Variants in DERA observed in about 807,000 individuals in gnomAD.
DERA encodes 2-deoxy-D-ribose 5-phosphate aldolase.
A neutral mutation model predicts 41.1 loss-of-function variants in DERA; 15 were observed. The observed-to-expected ratio is 0.37, with a 90% CI of 0.24 to 0.56. DERA has a LOEUF of 0.56. Ranked by LOEUF, DERA falls within the 20% of genes least tolerant of loss-of-function variation. The pLI is 0.81. For missense variants in DERA, 396 were observed against 403.4 expected (o/e 0.98, Z 0.16); for synonymous variants, 139 against 137.4 (o/e 1.01, Z -0.08).
In DERA at chr12:15,941,867, C is replaced by G. The variant is rs114931258; in HGVS notation, c.32-15069C>G. Reference sequence around the variant, plus strand: ...TGTTGTCTTTTTCATATAATGACTTCTTTTCCTTTGGGAAGATACCTAATA... The same window carrying G: ...TGTTGTCTTTTTCATATAATGACTTGTTTTCCTTTGGGAAGATACCTAATA... On this transcript the variant is annotated intron_variant, in intron 1 of 8. Coordinates refer to ENST00000428559, the MANE Select transcript of DERA (RefSeq NM_015954.4). This position sits in a 1 kb window ranked among gnomAD's most constrained non-coding sequence, Gnocchi z 4.5. Among the ~76,000 whole-genome samples, 1 of 152,272 alleles carries G rather than the reference C, an allele frequency of 6.6e-6. No individual in the cohort carries two copies. Among genetic ancestry groups the G allele is most frequent in the African/African-American group, 2.4e-5 (1 of 41,562 alleles).
chr12:15,924,208 G>A lies in DERA; in HGVS notation c.31+12794G>A, dbSNP rs566545773. 2.0e-5 allele frequency among the ~76,000 whole-genome samples: 3 copies of A among 152,226 alleles called. No individual in the cohort carries two copies. The highest frequency in any genetic ancestry group is 4.1e-4 in the South Asian group (2 of 4,828). ...TTTGGGATGCTGCAGTGGGAGGATC[G>A]CTTGAGCCCAGGAGTTTGAGATTAG... is the stretch of plus-strand genomic sequence containing the variant. On this transcript the variant is annotated intron_variant, in intron 1 of 8. Coordinates refer to ENST00000428559, the MANE Select transcript of DERA (RefSeq NM_015954.4). This position sits in a 1 kb window ranked among gnomAD's most constrained non-coding sequence, Gnocchi z 5.0.
At chr12:15,973,094 G>T (rs772194273) in intron 5 of DERA, among the ~76,000 whole-genome samples, 1 of 152,088 alleles carries the variant, frequency 6.6e-6, no homozygotes, top group Non-Finnish European at 1.5e-5. Flanking sequence ...AGCTGGGAAC[G>T]ACAGGCAGAG....
chr12:16,004,948 T>C lies in DERA; in HGVS notation c.637+22512T>C, dbSNP rs140042662. On this transcript the variant is annotated intron_variant, in intron 6 of 8. Transcript: ENST00000428559. The surrounding 1 kb of genome is among the most constrained non-coding windows in gnomAD (Gnocchi z 4.2). ...TTAAGAGTTAGAGTCTGTGAATAAC[T>C]AGATAAAGAAGAAACAGAGCAACTG... is the stretch of plus-strand genomic sequence containing the variant. Among the ~76,000 whole-genome samples, 29 of 152,296 alleles carry C rather than the reference T, an allele frequency of 1.9e-4. No homozygotes were observed. In the South Asian group the frequency reaches 2.7e-3, roughly 14 times the overall value.
rs1190960139 is a variant in DERA, at chr12:16,026,755, G to T, written c.638-5787G>T. 6.6e-6 allele frequency among the ~76,000 whole-genome samples: 1 copy of T among 151,922 alleles called. No individual in the cohort carries two copies. The highest frequency in any genetic ancestry group is 1.5e-5 in the Non-Finnish European group (1 of 67,980). On this transcript the variant is annotated intron_variant, in intron 6 of 8. Coordinates refer to ENST00000428559, the MANE Select transcript of DERA (RefSeq NM_015954.4). The surrounding 1 kb of genome is among the most constrained non-coding windows in gnomAD (Gnocchi z 4.4). Reference sequence around the variant, plus strand: ...AACATTTAAGGAAGATATAATACCAGTCTTCTACAATCTCTTCCGGAAAAT... The same window carrying T: ...AACATTTAAGGAAGATATAATACCATTCTTCTACAATCTCTTCCGGAAAAT...
Position 15,982,927 on chromosome 12 carries a change from A to T in DERA, c.637+491A>T, listed in dbSNP as rs1201893916. Among the ~76,000 whole-genome samples the T allele has an allele frequency of 6.6e-6, 1 of 152,212 alleles. No individual in the cohort carries two copies. The highest frequency in any genetic ancestry group is 1.5e-5 in the Non-Finnish European group (1 of 68,034). The stretch of plus-strand genomic sequence containing the variant: ...AGTTGACTTATTCTTTATCTCTGTG[A>T]ACAGCAGGTCTATCCATTTAGACAT... On this transcript the variant is annotated intron_variant, in intron 6 of 8. Coordinates refer to ENST00000428559, the MANE Select transcript of DERA (RefSeq NM_015954.4). The surrounding 1 kb of genome is among the most constrained non-coding windows in gnomAD (Gnocchi z 4.0).
chr12:15,978,837 GAAA>G (rs1948715455), intron 5 of DERA, among the ~76,000 whole-genome samples: 1 of 152,142 alleles, frequency 6.6e-6, no homozygotes, highest in African/African-American at 2.4e-5. Context: ...CAACAACTTT[GAAA>G]ACAGGAACTG....
At chr12:16,029,247 C>T (rs1448175431) in intron 6 of DERA, among the ~76,000 whole-genome samples, 1 of 152,052 alleles carries the variant, frequency 6.6e-6, no homozygotes, top group Non-Finnish European at 1.5e-5. Context: ...ACGGTGAAAC[C>T]CGGTCTCTAC....
Position 15,994,098 on chromosome 12 carries a change from G to A in DERA, c.637+11662G>A, listed in dbSNP as rs1328830730. On this transcript the variant is annotated intron_variant, in intron 6 of 8. Coordinates refer to ENST00000428559, the MANE Select transcript of DERA (RefSeq NM_015954.4). This position sits in a 1 kb window ranked among gnomAD's most constrained non-coding sequence, Gnocchi z 4.8. ...TAGCCCAACATATTCCAAAATCACAGAACTGCTTCTTGCAGACCTAACTTG... is the reference window on the plus strand; with the variant it reads ...TAGCCCAACATATTCCAAAATCACAAAACTGCTTCTTGCAGACCTAACTTG... 6.6e-6 allele frequency among the ~76,000 whole-genome samples: 1 copy of A among 152,206 alleles called. No homozygotes were observed. The highest frequency in any genetic ancestry group is 1.5e-5 in the Non-Finnish European group (1 of 68,040).
At position 16,010,140 on chromosome 12, in the gene DERA, T is replaced by C. The variant is rs148899338; in HGVS notation, c.638-22402T>C. Among the ~76,000 whole-genome samples the C allele has an allele frequency of 2.6e-5, 4 of 152,194 alleles. No homozygotes were observed. The highest frequency in any genetic ancestry group is 5.9e-5 in the Non-Finnish European group (4 of 68,030). ...AAGCCCTTCTGCTGTGAGGGAAATA[T>C]AGCATGTGAGCATATATATTCGTGG... is the stretch of plus-strand genomic sequence containing the variant. On this transcript the variant is annotated intron_variant, in intron 6 of 8. Coordinates refer to ENST00000428559, the MANE Select transcript of DERA (RefSeq NM_015954.4). The surrounding 1 kb of genome is among the most constrained non-coding windows in gnomAD (Gnocchi z 5.5).
rs1948673479 is a variant in DERA at position 15,972,972 on chromosome 12, C to T, written c.509-9336C>T. Among the ~76,000 whole-genome samples, 1 of 152,082 alleles carries T rather than the reference C, an allele frequency of 6.6e-6. No individual in the cohort carries two copies. The highest frequency in any genetic ancestry group is 1.5e-5 in the Non-Finnish European group (1 of 68,006). On this transcript the variant is annotated intron_variant, in intron 5 of 8. Coordinates refer to ENST00000428559, the MANE Select transcript of DERA (RefSeq NM_015954.4). This position sits in a 1 kb window ranked among gnomAD's most constrained non-coding sequence, Gnocchi z 4.4. ...AACATGCAGTCTGACCCCTTTCCCT[C>T]CTTTCCACTCCTTGGATCCACACTC...
rs1258101564 is a variant in DERA, at chr12:15,970,159, A to C, written c.508+7212A>C. 1.3e-5 allele frequency among the ~76,000 whole-genome samples: 2 copies of C among 152,184 alleles called. No homozygotes were observed. Among genetic ancestry groups the C allele is most frequent in the African/African-American group, 4.8e-5 (2 of 41,442 alleles). ...TTTTTAGTTTAAAAGGTTGCTGTAC[A>C]ATTTTATATTAAGTGTTTTACTGTA... On this transcript the variant is annotated intron_variant, in intron 5 of 8. Transcript: ENST00000428559. This position sits in a 1 kb window ranked among gnomAD's most constrained non-coding sequence, Gnocchi z 4.3.
chr12:15,915,210 C>T lies in DERA; in HGVS notation c.31+3796C>T, dbSNP rs1457227803. Among the ~76,000 whole-genome samples the T allele has an allele frequency of 6.6e-6, 1 of 152,102 alleles. No individual in the cohort carries two copies. The highest frequency in any genetic ancestry group is 2.4e-5 in the African/African-American group (1 of 41,402). ...GCAATTATTTTTCATTTATTTTTGTCTAAAATTAGATAGATGTACCTAGAC... is the reference window on the plus strand; with the variant it reads ...GCAATTATTTTTCATTTATTTTTGTTTAAAATTAGATAGATGTACCTAGAC... On this transcript the variant is annotated intron_variant, in intron 1 of 8. Coordinates refer to ENST00000428559, the MANE Select transcript of DERA (RefSeq NM_015954.4). This position sits in a 1 kb window ranked among gnomAD's most constrained non-coding sequence, Gnocchi z 4.8.
In DERA at chr12:16,019,696, G is replaced by A. The variant is rs191695192; in HGVS notation, c.638-12846G>A. On this transcript the variant is annotated intron_variant, in intron 6 of 8. Transcript: ENST00000428559. The surrounding 1 kb of genome is among the most constrained non-coding windows in gnomAD (Gnocchi z 4.4). ...AAATTTTGTCTCTCCTTGAAGGTCT[G>A]TAACACATTCCATCTGTTCCATGAA... 7.3e-5 allele frequency among the ~76,000 whole-genome samples: 11 copies of A among 151,690 alleles called. No individual in the cohort carries two copies. The highest frequency in any genetic ancestry group is 5.8e-4 in the East Asian group (3 of 5,178).
At position 15,959,841 on chromosome 12, in the gene DERA, C is replaced by T; in HGVS notation, c.290C>T (p.Ala97Val). The T allele has an allele frequency of 1.3e-6, 2 of 1,545,238 alleles. No homozygotes were observed. The highest frequency in any genetic ancestry group is 2.4e-5 in the South Asian group (2 of 83,350). The change falls in exon 4 of 9, where the codon GCC (alanine) becomes GTC (valine). Residue 97 changes from alanine to valine, a missense_variant. Physicochemically the swap from Ala to Val is moderately conservative, Grantham distance 64. Coordinates refer to ENST00000428559, the MANE Select transcript of DERA (RefSeq NM_015954.4). This position sits in a 1 kb window ranked among gnomAD's most constrained non-coding sequence, Gnocchi z 4.5. Reference sequence around the variant, plus strand: ...TTTTTCTTGATAGGCATTACTACAGCCGCCGTTTGTGTTTATCCCGCCCGG... The same window carrying T: ...TTTTTCTTGATAGGCATTACTACAGTCGCCGTTTGTGTTTATCCCGCCCGG... The part of the protein sequence containing the change: ...LNMHDKGITT[A>V]AVCVYPARVC...
chr12:15,958,625 A>G (rs1180175108), intron 3 of DERA, among the ~76,000 whole-genome samples: 1 of 147,444 alleles, frequency 6.8e-6, no homozygotes, highest in African/African-American at 2.5e-5. Context: ...ATTTCTGTTT[A>G]GTGACACTGA....
At position 15,992,920 on chromosome 12, in the gene DERA, T is replaced by C. The variant is rs1443820316; in HGVS notation, c.637+10484T>C. Among the ~76,000 whole-genome samples, 1 of 152,184 alleles carries C rather than the reference T, an allele frequency of 6.6e-6. No individual in the cohort carries two copies. Among genetic ancestry groups the C allele is most frequent in the Non-Finnish European group, 1.5e-5 (1 of 68,014 alleles). On this transcript the variant is annotated intron_variant, in intron 6 of 8. Transcript: ENST00000428559. The surrounding 1 kb of genome is among the most constrained non-coding windows in gnomAD (Gnocchi z 4.3). ...AAATAAGGTTGGAGTAGAAAAGCAC[T>C]AAAGATGCAATCATAATGTCATCAG...
intron 5 of DERA, among the ~76,000 whole-genome samples, chr12:15,964,671 T>G (rs1199797406): frequency 6.6e-6 from 1 of 152,250 alleles, no homozygotes; most frequent in African/African-American, 2.4e-5. Context: ...TTTATGTGAT[T>G]TAGTTGTATA....
At chr12:15,963,054 T>C in intron 5 of DERA, 107 bp downstream of exon 5, 1 of 1,407,322 alleles carries the variant, frequency 7.1e-7, no homozygotes, top group South Asian at 1.5e-5. Context: ...AGGTGACAAG[T>C]TAGTAGATCA....
chr12:15,943,485 T>C lies in DERA; in HGVS notation c.32-13451T>C, dbSNP rs1331834524. ...TCTCTAAAAGACTTCCCATCTCACA[T>C]GGGAAAACCTTTCTGTGCTGAAAAA... On this transcript the variant is annotated intron_variant, in intron 1 of 8. Transcript: ENST00000428559. The surrounding 1 kb of genome is among the most constrained non-coding windows in gnomAD (Gnocchi z 4.5). Among the ~76,000 whole-genome samples the C allele has an allele frequency of 6.6e-6, 1 of 152,144 alleles. No individual in the cohort carries two copies. The highest frequency in any genetic ancestry group is 1.5e-5 in the Non-Finnish European group (1 of 68,020).
Sources: allele counts gnomAD v4.1 joint callset (sites outside exome capture counted in the v4.1 genomes callset), GRCh38; gene constraint gnomAD v4.1.1; non-coding constraint Gnocchi (gnomAD v3.1); transcripts MANE v1.5; gene names NCBI Gene and HGNC (gene_info 2026-07-23, HGNC 2026-07-21).